The following WDR20 variants were observed in gnomAD, a reference collection of about 807,000 sequenced individuals.
WDR20 encodes WD repeat domain 20.
WDR20 carries 3 observed loss-of-function variants against 38.7 expected under a neutral mutation model. That is an observed-to-expected ratio of 0.08 (90% CI 0.04 to 0.20). The LOEUF (loss-of-function observed/expected upper bound fraction) is 0.20. WDR20 is among the 10% of genes least tolerant of loss of function. WDR20 has a pLI of 1.00. For synonymous variants in WDR20, 298 were observed against 285.6 expected (o/e 1.04, Z -0.44); for missense variants, 559 against 727.7 (o/e 0.77, Z 2.67).
intron 1 of WDR20, among the ~76,000 whole-genome samples, chr14:102,188,266 G>A (rs929969332): frequency 1.3e-5 from 2 of 152,180 alleles, no homozygotes; most frequent in African/African-American, 4.8e-5. Flanking sequence ...TGCCTGTGAT[G>A]CCACAGGCTT....
chr14:102,221,331 C>T lies in WDR20; in HGVS notation c.1693-1499C>T, dbSNP rs2063868342. ...TCCTGGTTCTGGAGATTTGTCACTTCCTGGACACCACATAGCTTGTGGAAA... is the reference window on the plus strand; with the variant it reads ...TCCTGGTTCTGGAGATTTGTCACTTTCTGGACACCACATAGCTTGTGGAAA... On this transcript the variant is annotated intron_variant, in intron 3 of 3. Coordinates refer to the WDR20 transcript ENST00000335263. The surrounding 1 kb of genome is among the most constrained non-coding windows in gnomAD (Gnocchi z 4.8). 6.6e-6 allele frequency among the ~76,000 whole-genome samples: 1 copy of T among 152,208 alleles called. No individual in the cohort carries two copies. Among genetic ancestry groups the T allele is most frequent in the South Asian group, 2.1e-4 (1 of 4,826 alleles).
chr14:102,195,722 A>T (rs892912734), intron 2 of WDR20, among the ~76,000 whole-genome samples: 7 of 152,238 alleles, frequency 4.6e-5, no homozygotes, highest in Admixed American at 2.6e-4. Context: ...AGAGCCTGAG[A>T]TATCTGAGCT....
chr14:102,140,772 G>C (rs2050738292), intron 1 of WDR20, among the ~76,000 whole-genome samples: 1 of 152,216 alleles, frequency 6.6e-6, no homozygotes, highest in Admixed American at 6.5e-5. Flanking sequence ...CGGGAGGACG[G>C]CTGTCACTGT....
chr14:102,154,392 G>A (rs1051929573), intron 1 of WDR20, among the ~76,000 whole-genome samples: 5 of 152,108 alleles, frequency 3.3e-5, no homozygotes, highest in Non-Finnish European at 5.9e-5. Flanking sequence ...GGAGGGGGAA[G>A]GCAGCTCTGT....
At chr14:102,144,962 G>A (rs1288066838) in intron 1 of WDR20, among the ~76,000 whole-genome samples, 3 of 152,212 alleles carry the variant, frequency 2.0e-5, no homozygotes, top group Non-Finnish European at 4.4e-5. Context: ...GCCTCCCAAA[G>A]CACTGGGATT....
At position 102,209,717 on chromosome 14, in the gene WDR20, G is replaced by A. The variant is rs201001287; in HGVS notation, c.1547G>A (p.Arg516Gln). ...ACTCTGGGAACGCCCCTGTGTCCTC[G>A]AATGGAAGATGTTCCCTTGTTAGAG... ...AKTLGTPLCPRMEDVPLLEPL... is the reference protein window; with the variant it reads ...AKTLGTPLCPQMEDVPLLEPL... The change falls in exon 3 of 3, where the codon CGA (arginine) becomes CAA (glutamine). Residue 516 changes from arginine (R) to glutamine (Q), a missense_variant. By Grantham distance (43) the Arg-to-Gln change is conservative. Transcript: ENST00000342702. The surrounding 1 kb of genome is among the most constrained non-coding windows in gnomAD (Gnocchi z 6.0). The A allele has an allele frequency of 1.7e-5, 28 of 1,614,002 alleles. No individual in the cohort carries two copies. The highest frequency in any genetic ancestry group is 2.7e-5 in the African/African-American group (2 of 74,910).
At chr14:102,201,191 A>G (rs553802871) in intron 2 of WDR20, among the ~76,000 whole-genome samples, 1 of 152,288 alleles carries the variant, frequency 6.6e-6, no homozygotes, top group East Asian at 1.9e-4. Context: ...ATGCCTTTAC[A>G]TCATCAGAGC....
In WDR20 at chr14:102,200,467, TTGTGTG is replaced by T. The variant is rs71395660; in HGVS notation, c.432+5383_432+5388del. ...GAGTTTACTTTTTAAATTTTTTTTTTTGTGTGTGTGTGTGTGTGTGTGTGTGTGTGT... is the reference window on the plus strand; with the variant it reads ...GAGTTTACTTTTTAAATTTTTTTTTTTGTGTGTGTGTGTGTGTGTGTGTGT... On this transcript the variant is annotated intron_variant, in intron 2 of 2. Coordinates refer to ENST00000342702, the MANE Select transcript of WDR20 (RefSeq NM_144574.4). Among the ~76,000 whole-genome samples the T allele has an allele frequency of 6.6e-3, 776 of 117,742 alleles. 9 individuals carry two copies. The highest frequency in any genetic ancestry group is 0.01 in the Non-Finnish European group (563 of 54,872). 77.2% of individuals were successfully genotyped at this position (117,742 alleles called of 152,430 possible).
intron 1 of WDR20, among the ~76,000 whole-genome samples, chr14:102,155,888 C>T (rs1211836): frequency 0.65 from 98,253 of 151,000 alleles, 35,739 homozygotes; most frequent in East Asian, 0.92. Context: ...GATCTTCCCA[C>T]CTGACTTTCT....
chr14:102,201,297 T>C (rs2060341120), intron 2 of WDR20, among the ~76,000 whole-genome samples: 1 of 152,216 alleles, frequency 6.6e-6, no homozygotes, highest in Non-Finnish European at 1.5e-5. Flanking sequence ...TAAATTAATA[T>C]CTGCATTTTG....
At chr14:102,184,088 G>A (rs1316386436) in intron 1 of WDR20, among the ~76,000 whole-genome samples, 13 of 152,162 alleles carry the variant, frequency 8.5e-5, no homozygotes, top group Non-Finnish European at 1.9e-4. Flanking sequence ...TAACAGAAGG[G>A]TTCAATAAAA....
At chr14:102,187,619 G>T (rs1321947199) in intron 1 of WDR20, among the ~76,000 whole-genome samples, 2 of 152,202 alleles carry the variant, frequency 1.3e-5, no homozygotes, top group Non-Finnish European at 2.9e-5. Flanking sequence ...GCCCTGCAGA[G>T]CCGTGGCAGT....
chr14:102,208,905 G>C lies in WDR20; in HGVS notation c.735G>C (p.Arg245=). 6.2e-7 allele frequency: 1 copy of C among 1,614,212 alleles called. No individual in the cohort carries two copies. The highest frequency in any genetic ancestry group is 8.5e-7 in the Non-Finnish European group (1 of 1,180,034). Residue 245 remains arginine (R), a synonymous_variant, in exon 3 of 3, where the codon CGG becomes CGC. Transcript: ENST00000342702. This position sits in a 1 kb window ranked among gnomAD's most constrained non-coding sequence, Gnocchi z 5.6. ...LACVSQDGFL[R]VFNFDSVELH... is the part of the protein sequence containing the mutation. ...GCGTGAGCCAGGACGGGTTTCTGCGGGTGTTCAACTTTGACTCAGTGGAGC... is the reference window on the plus strand; with the variant it reads ...GCGTGAGCCAGGACGGGTTTCTGCGCGTGTTCAACTTTGACTCAGTGGAGC...
chr14:102,169,247 C>T (rs1213413505), intron 1 of WDR20, among the ~76,000 whole-genome samples: 1 of 152,212 alleles, frequency 6.6e-6, no homozygotes, highest in African/African-American at 2.4e-5. Context: ...TTCTTCAGGT[C>T]TCTGCCCAAA....
downstream of WDR20, among the ~76,000 whole-genome samples, chr14:102,211,654 C>A (rs1341276371): frequency 6.6e-5 from 10 of 152,188 alleles, no homozygotes; most frequent in Admixed American, 6.5e-4. This position sits in a 1 kb window ranked among gnomAD's most constrained non-coding sequence, Gnocchi z 4.2. Flanking sequence ...GTGAACTGAT[C>A]TAAGGTAGCC....
downstream of WDR20, among the ~76,000 whole-genome samples, chr14:102,218,174 G>A (rs568857277): frequency 8.5e-5 from 13 of 152,374 alleles, no homozygotes; most frequent in South Asian, 2.3e-3. Flanking sequence ...GCCTGTGTGC[G>A]TCTTACTTTT....
intron 1 of WDR20, chr14:102,193,377 C>T: frequency 7.1e-7 from 1 of 1,416,042 alleles, no homozygotes; most frequent in Non-Finnish European, 9.9e-7. Context: ...TCGCTCCAGT[C>T]AGGACTCCCT....
chr14:102,206,749 T>C (rs1160708005), intron 2 of WDR20, among the ~76,000 whole-genome samples: 1 of 152,020 alleles, frequency 6.6e-6, no homozygotes, highest in Non-Finnish European at 1.5e-5. Context: ...GGTACAGTTG[T>C]GTTTGTGGGA....
At chr14:102,213,415 C>T (rs2062805534), downstream of WDR20, 1 of 985,330 alleles carries the variant, frequency 1.0e-6, no homozygotes, top group Non-Finnish European at 1.2e-6. Flanking sequence ...ATTGAACCTT[C>T]TAGCAGTTTG....
Sources: allele counts gnomAD v4.1 joint callset (sites outside exome capture counted in the v4.1 genomes callset), GRCh38; gene constraint gnomAD v4.1.1; non-coding constraint Gnocchi (gnomAD v3.1); transcripts MANE v1.5; gene names NCBI Gene and HGNC (gene_info 2026-07-23, HGNC 2026-07-21).